The following ARID2 variants were observed in gnomAD, a reference collection of about 807,000 sequenced individuals.
The protein encoded by ARID2 is AT-rich interactive domain-containing protein 2.
ARID2 carries 32 observed loss-of-function variants against 184.6 expected under a neutral mutation model. The ratio of observed to expected loss-of-function variants is 0.17; its 90% CI spans 0.13 to 0.23. ARID2 has a LOEUF of 0.23. Among genes scored for constraint, ARID2 ranks in the 10% least tolerant of loss-of-function variants. The pLI is 1.00. For missense variants in ARID2, 1,696 were observed against 2,197.6 expected, an observed-to-expected ratio of 0.77 and a Z score of 4.56; for synonymous variants, 836 against 772.6, an observed-to-expected ratio of 1.08 and a Z score of -1.36.
intron 16 of ARID2, among the ~76,000 whole-genome samples, chr12:45,885,911 G>GT (rs1944179327): frequency 6.6e-6 from 1 of 152,144 alleles, no homozygotes. Flanking sequence ...TACAATTCAA[G>GT]GTGAGATTTG....
chr12:45,861,580 CTTTTTTTTTTTT>C (rs11303020), intron 16 of ARID2, among the ~76,000 whole-genome samples: 10 of 96,976 alleles, frequency 1.0e-4, no homozygotes, highest in East Asian at 8.3e-4. Flanking sequence ...AGGCATTTGT[CTTTTTTTTTTTT>C]TTTTTTTTTG....
At chr12:45,732,025 C>T (rs1460632059) in intron 3 of ARID2, among the ~76,000 whole-genome samples, 1 of 150,732 alleles carries the variant, frequency 6.6e-6, no homozygotes. Flanking sequence ...ATTTCTTATT[C>T]AGTTGGTATG....
chr12:45,823,913 A>G (rs1942944183), intron 6 of ARID2, among the ~76,000 whole-genome samples: 1 of 152,126 alleles, frequency 6.6e-6, no homozygotes, highest in African/African-American at 2.4e-5. Flanking sequence ...AAGGGGAGAG[A>G]ACTCTCCTTA....
In ARID2 at chr12:45,893,492, A is replaced by G. The variant is rs1263731920; in HGVS notation, c.5220A>G (p.Ala1740=). 6.2e-7 allele frequency: 1 copy of G among 1,613,960 alleles called. No homozygotes were observed. Among genetic ancestry groups the G allele is most frequent in the Non-Finnish European group, 8.5e-7 (1 of 1,179,956 alleles). The change falls in exon 19 of 21, where the codon GCA becomes GCG. Residue 1740 remains alanine, a synonymous_variant. Transcript: ENST00000334344. The stretch of plus-strand genomic sequence containing the variant: ...CCATTGTGAATCATCCCAGTGCTGC[A>G]CTTATGGCTCTGAGGAGAGGATCAA... ...QKAIVNHPSA[A]LMALRRGSRN...
chr12:45,801,960 G>A (rs998674230), intron 3 of ARID2, among the ~76,000 whole-genome samples: 1 of 152,274 alleles, frequency 6.6e-6, no homozygotes, highest in Non-Finnish European at 1.5e-5. Context: ...TGTTTTTAAA[G>A]GGTTCAAGCC....
chr12:45,789,631 A>T (rs1222555723), intron 3 of ARID2: 6 of 152,152 alleles, frequency 3.9e-5, no homozygotes, highest in Non-Finnish European at 8.8e-5. Flanking sequence ...CAATACATAA[A>T]AGAAATGTAT....
chr12:45,904,989 G>A lies in ARID2; in HGVS notation c.5419G>A (p.Ala1807Thr). The change falls in exon 21 of 21, where the codon GCT becomes ACT. Residue 1807 changes from alanine to threonine, a missense_variant. Around this residue, in one of 11 missense-constraint regions of ARID2, gnomAD observed 69 missense variants for 118.2 expected, o/e 0.58. Transcript: ENST00000334344. ...LSVLAISNMEASSTLAKCLYE... is the reference protein window; with the variant it reads ...LSVLAISNMETSSTLAKCLYE... ...AGTGCTAGCCATTAGTAACATGGAA[G>A]CTTCCTCCACCCTTGCCAAATGCCT... The A allele has an allele frequency of 3.1e-6, 5 of 1,613,974 alleles. No homozygotes were observed. Among genetic ancestry groups the A allele is most frequent in the Non-Finnish European group, 4.2e-6 (5 of 1,179,944 alleles).
At chr12:45,752,851 A>G (rs1199385339) in intron 3 of ARID2, among the ~76,000 whole-genome samples, 1 of 152,260 alleles carries the variant, frequency 6.6e-6, no homozygotes, top group Non-Finnish European at 1.5e-5. Context: ...CAACCACTAC[A>G]GTTATCTTGA....
intron 20 of ARID2, among the ~76,000 whole-genome samples, chr12:45,898,999 C>T (rs184180701): frequency 2.6e-5 from 4 of 151,878 alleles, no homozygotes; most frequent in East Asian, 3.9e-4. Flanking sequence ...CAAGGCGGGG[C>T]GTGGTGGCTC....
intron 8 of ARID2, 67 bp from the exon 9 acceptor site, chr12:45,837,254 T>C: frequency 1.5e-6 from 2 of 1,334,598 alleles, no homozygotes; most frequent in Non-Finnish European, 2.1e-6. Flanking sequence ...TTTTTATTTT[T>C]ATTAAATTTG....
chr12:45,769,981 G>A (rs572444596), intron 3 of ARID2, among the ~76,000 whole-genome samples: 28 of 152,260 alleles, frequency 1.8e-4, no homozygotes, highest in African/African-American at 5.3e-4. Flanking sequence ...AAGGCCGGGC[G>A]CGGTGGCTCA....
chr12:45,830,101 A>G (rs1043644322), intron 6 of ARID2, among the ~76,000 whole-genome samples: 1 of 150,186 alleles, frequency 6.7e-6, no homozygotes, highest in African/African-American at 2.4e-5. Flanking sequence ...ATATAAATAT[A>G]TAATATGTAA....
At chr12:45,748,619 CTG>C (rs1941403188) in intron 3 of ARID2, among the ~76,000 whole-genome samples, 1 of 152,128 alleles carries the variant, frequency 6.6e-6, no homozygotes, top group African/African-American at 2.4e-5. Context: ...AGAGGTTTCT[CTG>C]TAGCATGTAA....
At chr12:45,818,540 T>C (rs1382422875) in intron 5 of ARID2, among the ~76,000 whole-genome samples, 1 of 152,132 alleles carries the variant, frequency 6.6e-6, no homozygotes, top group Non-Finnish European at 1.5e-5. Context: ...TATAAAGTTA[T>C]TTCTTGCTTT....
chr12:45,735,213 G>C (rs1365545651), intron 3 of ARID2, among the ~76,000 whole-genome samples: 1 of 151,690 alleles, frequency 6.6e-6, no homozygotes, highest in Non-Finnish European at 1.5e-5. Flanking sequence ...GTGTTCTCTA[G>C]TTAGTGTCCA....
intron 3 of ARID2, among the ~76,000 whole-genome samples, chr12:45,780,374 T>TG (rs1271147108): frequency 2.6e-5 from 4 of 152,194 alleles, no homozygotes; most frequent in African/African-American, 9.7e-5. Flanking sequence ...AGGAGTACTT[T>TG]GCACTGTTTT....
At chr12:45,745,423 T>C (rs1941336264) in intron 3 of ARID2, among the ~76,000 whole-genome samples, 2 of 152,264 alleles carry the variant, frequency 1.3e-5, no homozygotes, top group Middle Eastern at 3.4e-3. Context: ...TACTGAATGA[T>C]GGAAGGGAAA....
rs532941730 is a variant in ARID2, at chr12:45,752,776, G to A, written c.284+21462G>A. Among the ~76,000 whole-genome samples the A allele has an allele frequency of 1.0e-3, 159 of 152,288 alleles. 1 individual carries two copies. The highest frequency in any genetic ancestry group is 4.1e-3 in the South Asian group (20 of 4,826). ...TTTCCAAAATGCTGGCATTACAGGC[G>A]TGAGCCACTGTACCAGGCCAAGGCT... On this transcript the variant is annotated intron_variant, in intron 3 of 20. Coordinates refer to ENST00000334344, the MANE Select transcript of ARID2 (RefSeq NM_152641.4).
intron 3 of ARID2, among the ~76,000 whole-genome samples, chr12:45,736,418 G>C (rs1941124438): frequency 6.6e-6 from 1 of 151,500 alleles, no homozygotes; most frequent in Admixed American, 6.6e-5. Context: ...AATGAAATTA[G>C]AAGTTGGAAA....
Sources: gnomAD v4.1 joint callset for allele counts (sites outside exome capture counted in the v4.1 genomes callset) on GRCh38, gnomAD v4.1.1 for gene constraint, gnomAD v4.1.1 regional missense constraint, MANE v1.5 for transcripts, NCBI Gene and HGNC (gene_info 2026-07-23, HGNC 2026-07-21) for gene names.